ATP6V1C1: variants seen among roughly 807,000 people sequenced by gnomAD.
ATP6V1C1 encodes the protein ATPase H+ transporting V1 subunit C1, also known as V-type proton ATPase subunit C 1.
ATP6V1C1 carries 45 observed loss-of-function variants against 53.9 expected under a neutral mutation model. That is an observed-to-expected ratio of 0.83 (90% CI 0.66 to 1.07). The LOEUF (loss-of-function observed/expected upper bound fraction) is 1.07, where lower values mean the gene tolerates loss of function less well. ATP6V1C1 is among the 50% of genes least tolerant of loss of function. ATP6V1C1 has a pLI of 0.00. For missense variants in ATP6V1C1, 315 were observed against 440.3 expected (o/e 0.72, Z 2.55); for synonymous variants, 153 against 155.2 (o/e 0.99, Z 0.11).
chr8:103,064,604 G>T, intron 10 of ATP6V1C1, 110 bp from the exon 11 acceptor site: 1 of 760,178 alleles, frequency 1.3e-6, no homozygotes, highest in South Asian at 2.0e-5. Context: ...TGAATTATGC[G>T]ACTTAATTCT....
chr8:103,040,028 T>A (rs901754020), intron 1 of ATP6V1C1, among the ~76,000 whole-genome samples: 1 of 152,210 alleles, frequency 6.6e-6, no homozygotes, highest in Admixed American at 6.5e-5. Context: ...ATGTAGGATT[T>A]GCTAAGCCAA....
At chr8:103,045,091 G>A (rs1817071441) in intron 3 of ATP6V1C1, among the ~76,000 whole-genome samples, 1 of 152,150 alleles carries the variant, frequency 6.6e-6, no homozygotes, top group African/African-American at 2.4e-5. Context: ...TAGATACACA[G>A]GTGTAATTTG....
chr8:103,034,450 AG>A (rs3837182), intron 1 of ATP6V1C1, among the ~76,000 whole-genome samples: 39,415 of 152,094 alleles, frequency 0.26, 5,915 homozygotes, highest in Admixed American at 0.39. Context: ...TGAGAGAAAA[AG>A]GGAAATATGT....
At position 103,070,335 on chromosome 8, in the gene ATP6V1C1, G is replaced by T. The variant is rs1817564531; in HGVS notation, c.*1588G>T. 1 of 152,222 alleles carries T rather than the reference G, an allele frequency of 6.6e-6. No homozygotes were observed. 9.4% of individuals were successfully genotyped at this position (152,222 alleles called of 1,614,324 possible). On this transcript the variant is annotated 3_prime_UTR_variant, in exon 13 of 13. Coordinates refer to ENST00000518738, the MANE Select transcript of ATP6V1C1 (RefSeq NM_001695.5). ...TTAGTATTTCTGTAAGATCTGAGAA[G>T]TGGAATTTGTAGGGTCATAGGTTAT...
intron 12 of ATP6V1C1, among the ~76,000 whole-genome samples, chr8:103,067,644 A>T (rs1407032759): frequency 2.4e-5 from 3 of 125,592 alleles, no homozygotes; most frequent in African/African-American, 9.3e-5. Context: ...TCTTTTGCCC[A>T]GGCTGGAGTG....
intron 2 of ATP6V1C1, among the ~76,000 whole-genome samples, chr8:103,042,046 GTGTTGTAAACTAAGA>G (rs1246935772): frequency 3.3e-5 from 5 of 152,152 alleles, no homozygotes; most frequent in African/African-American, 1.2e-4. Context: ...TTAAGAGCCT[GTGTTGTAAACTAAGA>G]CTTCAAATGA....
chr8:103,049,553 G>T (rs1420762454), intron 4 of ATP6V1C1, among the ~76,000 whole-genome samples: 2 of 152,140 alleles, frequency 1.3e-5, no homozygotes, highest in African/African-American at 4.8e-5. Context: ...GTTGTCATTT[G>T]TACTTGCATT....
intron 5 of ATP6V1C1, among the ~76,000 whole-genome samples, chr8:103,051,896 T>C (rs997026360): frequency 1.3e-5 from 2 of 152,124 alleles, no homozygotes; most frequent in African/African-American, 4.8e-5. Flanking sequence ...TGGACAGACT[T>C]TCCTTGGCTC....
At chr8:103,048,802 G>T in intron 3 of ATP6V1C1, 68 bp from the exon 4 acceptor site, 2 of 1,336,398 alleles carry the variant, frequency 1.5e-6, no homozygotes, top group Non-Finnish European at 2.1e-6. Context: ...TATGTAATAT[G>T]TTCATTGTAT....
In ATP6V1C1 at chr8:103,072,118, C is replaced by A. The variant is rs1051779671; in HGVS notation, c.*3371C>A. On this transcript the variant is annotated 3_prime_UTR_variant, in exon 13 of 13. Coordinates refer to ENST00000518738, the MANE Select transcript of ATP6V1C1 (RefSeq NM_001695.5). ...TGGAACACATTCCACACTTTGAAAT[C>A]TTCGTGGAACAAAAGATATTTGTGG... 16 of 152,218 alleles carry A rather than the reference C, an allele frequency of 1.1e-4. No homozygotes were observed. The highest frequency in any genetic ancestry group is 3.4e-4 in the African/African-American group (14 of 41,462). 9.4% of individuals were successfully genotyped at this position (152,218 alleles called of 1,614,324 possible). A position where few individuals can be genotyped will look rare whatever the true frequency, so the allele number is the denominator to read the frequency against.
intron 12 of ATP6V1C1, 33 bp downstream of exon 12, chr8:103,066,480 T>G (rs781329022): frequency 6.6e-7 from 1 of 1,505,420 alleles, no homozygotes; most frequent in South Asian, 1.4e-5. Context: ...GAGTAAGAAT[T>G]GAAGTGAATT....
chr8:103,040,986 A>C lies in ATP6V1C1; in HGVS notation c.132+18A>C. 6.2e-7 allele frequency: 1 copy of C among 1,611,132 alleles called. No homozygotes were observed. The highest frequency in any genetic ancestry group is 1.1e-5 in the South Asian group (1 of 90,756). ...ACTTAAAGGTGAAGCTGCACTGTGC[A>C]AAATTATATATGAGTTCATCATCCA... On this transcript the variant is annotated intron_variant, in intron 2 of 12. Transcript: ENST00000518738.
intron 1 of ATP6V1C1, among the ~76,000 whole-genome samples, chr8:103,034,455 AAT>A (rs1816855720): frequency 6.6e-6 from 1 of 152,342 alleles, no homozygotes; most frequent in East Asian, 1.9e-4. Flanking sequence ...GAAAAAGGGA[AAT>A]ATGTTTAGCA....
chr8:103,063,343 T>C, intron 10 of ATP6V1C1, 115 bp downstream of exon 10: 1 of 687,306 alleles, frequency 1.5e-6, no homozygotes, highest in South Asian at 2.3e-5. Flanking sequence ...CATTTGATTT[T>C]AGTTTTTTTT....
At chr8:103,059,331 A>G (rs889503728) in intron 8 of ATP6V1C1, among the ~76,000 whole-genome samples, 2 of 151,734 alleles carry the variant, frequency 1.3e-5, no homozygotes, top group Admixed American at 6.6e-5. Flanking sequence ...CTTCCCCCCA[A>G]CCACATACCT....
intron 8 of ATP6V1C1, among the ~76,000 whole-genome samples, chr8:103,061,034 T>G (rs1817386942): frequency 6.6e-6 from 1 of 152,220 alleles, no homozygotes; most frequent in Admixed American, 6.5e-5. Context: ...TTTGGATTTG[T>G]TTTGATCTCA....
chr8:103,072,310 C>T lies in ATP6V1C1; in HGVS notation c.*3563C>T, dbSNP rs558503617. On this transcript the variant is annotated 3_prime_UTR_variant, in exon 13 of 13. Transcript: ENST00000518738. ...TGGAAATAAAATATAAGACATTGATCTAGATATGAGGTTTTTCTCCTTCAT... is the reference window on the plus strand; with the variant it reads ...TGGAAATAAAATATAAGACATTGATTTAGATATGAGGTTTTTCTCCTTCAT... 6 of 152,280 alleles carry T rather than the reference C, an allele frequency of 3.9e-5. No individual in the cohort carries two copies. The highest frequency in any genetic ancestry group is 1.4e-4 in the African/African-American group (6 of 41,548). The allele number at this position is 152,280 out of a possible 1,614,324, so 9.4% of individuals were successfully genotyped here.
rs1197134470 is a variant in ATP6V1C1, at chr8:103,047,438, A to G, written c.201-1432A>G. Reference sequence around the variant, plus strand: ...AAAAAAAAAATGCGCGCGCACACACACACACACACACACACACACACACAC... The same window carrying G: ...AAAAAAAAAATGCGCGCGCACACACGCACACACACACACACACACACACAC... On this transcript the variant is annotated intron_variant, in intron 3 of 12. Coordinates refer to ENST00000518738, the MANE Select transcript of ATP6V1C1 (RefSeq NM_001695.5). Among the ~76,000 whole-genome samples the G allele has an allele frequency of 5.3e-4, 63 of 118,462 alleles. 1 individual carries two copies. The highest frequency in any genetic ancestry group is 1.5e-3 in the African/African-American group (55 of 35,680). The allele number at this position is 118,462 out of a possible 152,430, so 77.7% of individuals were successfully genotyped here.
intron 3 of ATP6V1C1, 96 bp from the exon 4 acceptor site, chr8:103,048,774 T>G (rs1465458686): frequency 1.0e-6 from 1 of 1,002,842 alleles, no homozygotes; most frequent in African/African-American, 1.6e-5. Flanking sequence ...TGGGAACATA[T>G]AGTCAAATTC....
Sources: allele counts gnomAD v4.1 joint callset (sites outside exome capture counted in the v4.1 genomes callset), GRCh38; gene constraint gnomAD v4.1.1; transcripts MANE v1.5; gene names NCBI Gene and HGNC (gene_info 2026-07-23, HGNC 2026-07-21).